Variants in RIMS1 observed in about 807,000 individuals in gnomAD.
RIMS1 encodes the protein regulating synaptic membrane exocytosis protein 1.
RIMS1 carries 83 observed loss-of-function variants against 214.1 expected under a neutral mutation model. The observed-to-expected ratio is 0.39, with a 90% confidence interval of 0.32 to 0.47. The LOEUF (loss-of-function observed/expected upper bound fraction) is 0.47. Among genes scored for constraint, RIMS1 ranks in the 20% least tolerant of loss-of-function variants. The probability of loss-of-function intolerance (pLI) is 0.99; values close to 1 mark genes in which losing one functional copy is unlikely to be tolerated. For missense variants in RIMS1, 2,050 were observed against 2,161.8 expected, an observed-to-expected ratio of 0.95 and a Z score of 1.03; for synonymous variants, 793 against 786.8, an observed-to-expected ratio of 1.01 and a Z score of -0.13.
At chr6:72,213,996 A>G (rs55856284) in intron 6 of RIMS1, among the ~76,000 whole-genome samples, 4,794 of 152,312 alleles carry the variant, frequency 0.031, 116 homozygotes, top group Non-Finnish European at 0.052. Context: ...TATTGTTAAC[A>G]TAAATTTTGG....
chr6:71,897,906 A>T (rs1352292070), intron 1 of RIMS1, among the ~76,000 whole-genome samples: 1 of 152,164 alleles, frequency 6.6e-6, no homozygotes, highest in Non-Finnish European at 1.5e-5. Flanking sequence ...AAGTAGGAGG[A>T]TAGAGTGGGA....
rs2098830756 is a variant in RIMS1, at chr6:72,400,783, A to G, written c.*69A>G. 7.9e-7 allele frequency: 1 copy of G among 1,268,712 alleles called. No individual in the cohort carries two copies. The highest frequency in any genetic ancestry group is 1.5e-5 in the African/African-American group (1 of 67,458). The allele number at this position is 1,268,712 out of a possible 1,614,324, so 78.6% of individuals were successfully genotyped here. A position where few individuals can be genotyped will look rare whatever the true frequency, so the allele number is the denominator to read the frequency against. On this transcript the variant is annotated 3_prime_UTR_variant, in exon 34 of 34. Transcript: ENST00000521978. ...GATAATAATCTGAACCAGATATTTC[A>G]TGATCGAAAGCATTGTTGGAGACAG...
At chr6:72,077,158 G>T (rs1032100758) in intron 2 of RIMS1, among the ~76,000 whole-genome samples, 6 of 152,070 alleles carry the variant, frequency 3.9e-5, no homozygotes, top group Admixed American at 3.3e-4. Flanking sequence ...CGTCCTTCAG[G>T]ATCCCACTCC....
chr6:72,394,532 T>G (rs2098751318), intron 31 of RIMS1, among the ~76,000 whole-genome samples: 1 of 152,014 alleles, frequency 6.6e-6, no homozygotes, highest in East Asian at 1.9e-4. Flanking sequence ...AAGGAAAATA[T>G]AAGTATAGTG....
At chr6:72,398,859 G>A in intron 32 of RIMS1, 96 bp from the exon 33 acceptor site, 1 of 727,448 alleles carries the variant, frequency 1.4e-6, no homozygotes, top group South Asian at 2.3e-5. Flanking sequence ...GAAACTTTCA[G>A]TAAGCATCTC....
intron 2 of RIMS1, among the ~76,000 whole-genome samples, chr6:72,084,091 C>G (rs1339077950): frequency 6.6e-6 from 1 of 152,154 alleles, no homozygotes; most frequent in Non-Finnish European, 1.5e-5. Flanking sequence ...TTACTTAACA[C>G]TTTGGCTTGC....
intron 4 of RIMS1, among the ~76,000 whole-genome samples, chr6:72,154,086 G>GA (rs1028295829): frequency 9.3e-5 from 14 of 150,086 alleles, no homozygotes; most frequent in African/African-American, 3.2e-4. Context: ...TTCCTGGAAA[G>GA]AAAAAAAAAT....
chr6:72,340,350 G>A (rs1367733509), intron 29 of RIMS1, among the ~76,000 whole-genome samples: 26 of 151,992 alleles, frequency 1.7e-4, no homozygotes, highest in Non-Finnish European at 3.1e-4. Flanking sequence ...TAGACATGAA[G>A]TCCTTGCCCA....
intron 6 of RIMS1, chr6:72,213,007 A>G: frequency 1.3e-6 from 2 of 1,487,148 alleles, no homozygotes; most frequent in Non-Finnish European, 1.8e-6. Context: ...TGATATAAGC[A>G]GAGTGATGAA....
intron 1 of RIMS1, among the ~76,000 whole-genome samples, chr6:71,933,712 ACACAC>A (rs1487250737): frequency 7.4e-4 from 112 of 151,342 alleles, no homozygotes; most frequent in African/African-American, 2.3e-3. Flanking sequence ...ACACACACAC[ACACAC>A]AAGTTGTATT....
intron 4 of RIMS1, among the ~76,000 whole-genome samples, 166 bp downstream of exon 4, chr6:72,100,152 T>C (rs987773267): frequency 1.3e-5 from 2 of 152,070 alleles, no homozygotes; most frequent in Admixed American, 1.3e-4. Context: ...TTAGGAGCAT[T>C]ACAGAGTTTG....
chr6:72,037,554 A>G (rs1820004971), intron 2 of RIMS1, among the ~76,000 whole-genome samples: 1 of 152,108 alleles, frequency 6.6e-6, no homozygotes, highest in Admixed American at 6.6e-5. Flanking sequence ...GAGATATCAA[A>G]AAAACCCTAC....
intron 1 of RIMS1, among the ~76,000 whole-genome samples, chr6:71,936,637 G>T (rs1169923876): frequency 6.6e-6 from 1 of 152,150 alleles, no homozygotes; most frequent in Non-Finnish European, 1.5e-5. Context: ...TTTTATGTTG[G>T]AATTAAGCAC....
At chr6:72,231,374 A>C (rs1053069300) in intron 6 of RIMS1, among the ~76,000 whole-genome samples, 2 of 151,704 alleles carry the variant, frequency 1.3e-5, no homozygotes, top group South Asian at 4.1e-4. Context: ...AGCCATTCAG[A>C]ATATGAAGGA....
At chr6:72,006,587 G>T (rs901418603) in intron 2 of RIMS1, among the ~76,000 whole-genome samples, 1 of 152,184 alleles carries the variant, frequency 6.6e-6, no homozygotes, top group Admixed American at 6.5e-5. Context: ...AAGGAAAGGG[G>T]TGACAGATGG....
rs558534113 is a variant in RIMS1, at chr6:72,213,046, G to A, written c.1679-20727G>A. On this transcript the variant is annotated intron_variant, in intron 6 of 33. Transcript: ENST00000521978. ...GGCGCTTCACACTCTTCTTAGATAA[G>A]ATCTTGAGCAGCAGAGAGTGGTTTA... The A allele has an allele frequency of 1.5e-4, 230 of 1,529,928 alleles. No homozygotes were observed. In the African/African-American group the frequency reaches 2.9e-3, roughly 20 times the overall value. 94.8% of individuals were successfully genotyped at this position (1,529,928 alleles called of 1,614,324 possible). A position where few individuals can be genotyped will look rare whatever the true frequency, so the allele number is the denominator to read the frequency against.
chr6:72,339,941 C>T (rs1255790395), intron 29 of RIMS1, among the ~76,000 whole-genome samples: 1 of 151,998 alleles, frequency 6.6e-6, no homozygotes, highest in Non-Finnish European at 1.5e-5. Flanking sequence ...TCCTCTCCAG[C>T]ACCTGTTGTT....
At chr6:72,209,068 C>G (rs975705300) in intron 6 of RIMS1, among the ~76,000 whole-genome samples, 1 of 152,072 alleles carries the variant, frequency 6.6e-6, no homozygotes, top group Non-Finnish European at 1.5e-5. Flanking sequence ...CACTGTAAAA[C>G]AAAGAATAGA....
chr6:72,028,491 C>G (rs1002262584), intron 2 of RIMS1, among the ~76,000 whole-genome samples: 12 of 152,100 alleles, frequency 7.9e-5, no homozygotes, highest in African/African-American at 2.4e-4. Context: ...GATAGGCCAA[C>G]AATGGAAGCT....
Sources: allele counts gnomAD v4.1 joint callset (sites outside exome capture counted in the v4.1 genomes callset), GRCh38; gene constraint gnomAD v4.1.1; transcripts MANE v1.5; gene names NCBI Gene and HGNC (gene_info 2026-07-23, HGNC 2026-07-21).